Variants in TTC29 observed in about 807,000 individuals in gnomAD.
The protein encoded by TTC29 is tetratricopeptide repeat protein 29.
TTC29 carries 49 observed loss-of-function variants against 58.1 expected under a neutral mutation model. The observed-to-expected ratio is 0.84, with a 90% CI of 0.67 to 1.07. TTC29 has a LOEUF of 1.07. TTC29 is among the 50% of genes least tolerant of loss of function. The probability of loss-of-function intolerance (pLI) is 0.00; values close to 1 mark genes in which losing one functional copy is unlikely to be tolerated. For missense variants in TTC29, 582 were observed against 555.6 expected (o/e 1.05, Z -0.48); for synonymous variants, 209 against 196.8 (o/e 1.06, Z -0.52).
intron 9 of TTC29, among the ~76,000 whole-genome samples, chr4:146,824,545 T>C (rs1727630449): frequency 7.2e-6 from 1 of 139,366 alleles, no homozygotes; most frequent in South Asian, 2.4e-4. Flanking sequence ...TCATCGGGGA[T>C]ATTGGCCTGA....
intron 6 of TTC29, among the ~76,000 whole-genome samples, chr4:146,897,313 C>T (rs34470581): frequency 0.23 from 35,110 of 152,024 alleles, 4,372 homozygotes; most frequent in Admixed American, 0.31. Context: ...AGAAGATGGA[C>T]GCTAGCAAAG....
chr4:146,737,210 G>T (rs1744768355), intron 11 of TTC29, among the ~76,000 whole-genome samples: 1 of 152,234 alleles, frequency 6.6e-6, no homozygotes, highest in South Asian at 2.1e-4. Context: ...ATGGAAACCT[G>T]CCCTTTTAAA....
chr4:146,713,730 A>G (rs1742703570), intron 11 of TTC29, among the ~76,000 whole-genome samples: 2 of 152,152 alleles, frequency 1.3e-5, no homozygotes, highest in South Asian at 2.1e-4. Context: ...GTATATTCCA[A>G]TTCAAAAGTA....
intron 2 of TTC29, among the ~76,000 whole-genome samples, chr4:146,941,693 A>AATT: frequency 1.3e-5 from 2 of 152,290 alleles, no homozygotes; most frequent in East Asian, 1.9e-4. Context: ...GGTTACTCTA[A>AATT]AAACTGGCTT....
intron 4 of TTC29, among the ~76,000 whole-genome samples, chr4:146,924,382 G>A (rs1734788357): frequency 6.6e-6 from 1 of 151,676 alleles, no homozygotes; most frequent in Admixed American, 6.6e-5. Flanking sequence ...AGCCACATGG[G>A]GCTGGAATTT....
At position 146,707,697 on chromosome 4, in the gene TTC29, T is replaced by G. The variant is rs918644507; in HGVS notation, c.1331-146A>C. The G allele has an allele frequency of 8.7e-6, 5 of 572,106 alleles. 1 individual carries two copies. In the South Asian group the frequency reaches 9.9e-5, roughly 11 times the overall value. 35.4% of individuals were successfully genotyped at this position (572,106 alleles called of 1,614,324 possible). A position where few individuals can be genotyped will look rare whatever the true frequency, so the allele number is the denominator to read the frequency against. ...GTATGTATCACCAGGGCAGATTGTA[T>G]TGTACAAAGATGGCCACAACAATCT... On this transcript the variant is annotated intron_variant, in intron 11 of 12. Transcript: ENST00000325106.
intron 8 of TTC29, among the ~76,000 whole-genome samples, chr4:146,856,132 A>G (rs962442624): frequency 2.0e-5 from 3 of 152,190 alleles, no homozygotes; most frequent in Non-Finnish European, 2.9e-5. Context: ...TAGAGTACTC[A>G]ATTTTCAGAT....
At chr4:146,871,301 A>C (rs569049289) in intron 7 of TTC29, among the ~76,000 whole-genome samples, 1 of 152,022 alleles carries the variant, frequency 6.6e-6, no homozygotes, top group South Asian at 2.1e-4. Context: ...CATGTTAAAA[A>C]CCCTCAACAA....
intron 4 of TTC29, chr4:146,933,894 T>C (rs934691274): frequency 3.5e-5 from 5 of 143,792 alleles, no homozygotes; most frequent in Non-Finnish European, 6.1e-5. Context: ...TAGCTTATCC[T>C]GCTTGCTTAC....
At chr4:146,872,368 A>G (rs1730989103) in intron 7 of TTC29, among the ~76,000 whole-genome samples, 1 of 152,118 alleles carries the variant, frequency 6.6e-6, no homozygotes, top group Non-Finnish European at 1.5e-5. Flanking sequence ...AAGCAAGAAC[A>G]GCAAAAGAAA....
intron 11 of TTC29, among the ~76,000 whole-genome samples, chr4:146,724,757 G>A (rs996832729): frequency 6.6e-6 from 1 of 152,056 alleles, no homozygotes; most frequent in African/African-American, 2.4e-5. Flanking sequence ...CAGGTGATCC[G>A]CCTGCCTCGG....
chr4:146,909,296 A>G, intron 4 of TTC29, 47 bp from the exon 5 acceptor site: 1 of 1,386,630 alleles, frequency 7.2e-7, no homozygotes, highest in Non-Finnish European at 1.0e-6. Flanking sequence ...TAATCCTTTC[A>G]GTCTGCACGG....
intron 11 of TTC29, among the ~76,000 whole-genome samples, chr4:146,777,083 T>G (rs1365037638): frequency 6.6e-6 from 1 of 152,070 alleles, no homozygotes; most frequent in African/African-American, 2.4e-5. Context: ...TTCGGATGAG[T>G]GCTCTTGCAC....
chr4:146,839,322 C>A (rs1219853513), intron 8 of TTC29, among the ~76,000 whole-genome samples: 1 of 151,708 alleles, frequency 6.6e-6, no homozygotes, highest in East Asian at 1.9e-4. Flanking sequence ...TTATTGTATA[C>A]CTAAAACTAG....
intron 6 of TTC29, among the ~76,000 whole-genome samples, chr4:146,893,269 G>A (rs1732509925): frequency 2.0e-5 from 3 of 152,094 alleles, no homozygotes; most frequent in Admixed American, 6.5e-5. Flanking sequence ...CATGCTACCT[G>A]ACTTCAAACT....
intron 11 of TTC29, among the ~76,000 whole-genome samples, chr4:146,728,476 T>C (rs1743956215): frequency 6.6e-6 from 1 of 151,688 alleles, no homozygotes; most frequent in African/African-American, 2.4e-5. Context: ...GATAATCATA[T>C]GGTACACTCC....
intron 4 of TTC29, among the ~76,000 whole-genome samples, chr4:146,925,496 T>C (rs926995997): frequency 6.6e-6 from 1 of 152,150 alleles, no homozygotes; most frequent in Admixed American, 6.6e-5. Context: ...TTTTGAGATC[T>C]CTAATTTGTT....
chr4:146,784,718 G>T (rs920799360), intron 11 of TTC29, among the ~76,000 whole-genome samples: 2 of 152,130 alleles, frequency 1.3e-5, no homozygotes, highest in African/African-American at 4.8e-5. Flanking sequence ...ATAAATTTCT[G>T]CTGTTTATAA....
rs768533511 is a variant in TTC29, at chr4:146,909,039, G to A, written c.387C>T (p.Asp129=). 12 of 1,613,460 alleles carry A rather than the reference G, an allele frequency of 7.4e-6. No homozygotes were observed. Among genetic ancestry groups the A allele is most frequent in the East Asian group, 4.5e-5 (2 of 44,864 alleles). ...YLYHYLTRAE[D]AERKESFEDV... ...CCCACCACTTACCTTTCCTCTCAGC[G>A]TCCTCAGCCCTGGTCAGGTAATGGT... is the stretch of plus-strand genomic sequence containing the variant. The change falls in exon 5 of 13, where the codon GAC becomes GAT. Residue 129 remains aspartate, a synonymous_variant. Coordinates refer to ENST00000325106, the MANE Select transcript of TTC29 (RefSeq NM_031956.4).
Sources: allele counts gnomAD v4.1 joint callset (sites outside exome capture counted in the v4.1 genomes callset), GRCh38; gene constraint gnomAD v4.1.1; transcripts MANE v1.5; gene names NCBI Gene and HGNC (gene_info 2026-07-23, HGNC 2026-07-21).